FOXP2: variants seen among roughly 807,000 people sequenced by gnomAD.
FOXP2 encodes the protein forkhead box P2, also known as forkhead box protein P2.
A neutral mutation model predicts 115.8 loss-of-function variants in FOXP2; 12 were observed. That is an observed-to-expected ratio of 0.10 (90% CI 0.07 to 0.17). The LOEUF (loss-of-function observed/expected upper bound fraction) is 0.17, where lower values mean the gene tolerates loss of function less well. FOXP2 is among the 10% of genes least tolerant of loss of function. The pLI is 1.00. For synonymous variants in FOXP2, 328 were observed against 297.7 expected, an observed-to-expected ratio of 1.10 and a Z score of -1.05; for missense variants, 629 against 843.5, an observed-to-expected ratio of 0.75 and a Z score of 3.15.
chr7:114,101,409 T>C (rs943073245), intron 1 of FOXP2, among the ~76,000 whole-genome samples: 5 of 152,150 alleles, frequency 3.3e-5, no homozygotes, highest in Non-Finnish European at 7.4e-5. Context: ...TTACTCCAAG[T>C]TGGCCATGAC....
At chr7:114,549,867 G>T (rs144368173) in intron 3 of FOXP2, among the ~76,000 whole-genome samples, 1 of 151,874 alleles carries the variant, frequency 6.6e-6, no homozygotes, top group Non-Finnish European at 1.5e-5. Flanking sequence ...GGCCAATAAC[G>T]ACATCATTTT....
chr7:114,409,002 A>C (rs950893781), intron 2 of FOXP2, among the ~76,000 whole-genome samples: 5 of 152,066 alleles, frequency 3.3e-5, no homozygotes, highest in African/African-American at 1.2e-4. Context: ...ATAATATACT[A>C]AATGTAAAGG....
chr7:114,239,243 T>C (rs1357702594), intron 1 of FOXP2, among the ~76,000 whole-genome samples: 2 of 152,084 alleles, frequency 1.3e-5, no homozygotes, highest in African/African-American at 4.8e-5. Flanking sequence ...CTCTCTTTTT[T>C]TGTCATTCAG....
intron 3 of FOXP2, among the ~76,000 whole-genome samples, chr7:114,619,751 G>C (rs967815828): frequency 1.3e-5 from 2 of 152,090 alleles, no homozygotes; most frequent in Non-Finnish European, 2.9e-5. Context: ...TAAACTGGCT[G>C]TGAAAGTATT....
chr7:114,125,332 G>A (rs1968667), intron 1 of FOXP2, among the ~76,000 whole-genome samples: 148,163 of 152,242 alleles, frequency 0.97, 72,240 homozygotes, highest in East Asian at 1. Context: ...GAAAAAGGAC[G>A]TAGTTTTTCC....
intron 2 of FOXP2, among the ~76,000 whole-genome samples, chr7:114,380,885 G>A (rs2129191671): frequency 6.6e-6 from 1 of 152,326 alleles, no homozygotes; most frequent in South Asian, 2.1e-4. Flanking sequence ...TGGGTTGCAA[G>A]CTTGTCCTTT....
At chr7:114,315,635 CAA>C (rs1414084492) in intron 2 of FOXP2, among the ~76,000 whole-genome samples, 1 of 151,132 alleles carries the variant, frequency 6.6e-6, no homozygotes, top group African/African-American at 2.4e-5. Flanking sequence ...CACACACACA[CAA>C]ACAAACATAA....
intron 1 of FOXP2, among the ~76,000 whole-genome samples, chr7:114,125,663 G>T (rs755332603): frequency 3.9e-5 from 6 of 152,068 alleles, no homozygotes. Context: ...CTTCACCATA[G>T]CTTGGATCCC....
intron 1 of FOXP2, among the ~76,000 whole-genome samples, chr7:114,286,458 G>A (rs1225887052): frequency 6.6e-6 from 1 of 151,912 alleles, no homozygotes; most frequent in Non-Finnish European, 1.5e-5. Context: ...GTTTCCCTAT[G>A]AATATTGGCA....
chr7:114,663,368 A>T lies in FOXP2; in HGVS notation c.1770-82A>T, dbSNP rs1295992244. 6 of 1,035,190 alleles carry T rather than the reference A, an allele frequency of 5.8e-6. No individual in the cohort carries two copies. In the African/African-American group the frequency reaches 9.6e-5, roughly 16 times the overall value. The allele number at this position is 1,035,190 out of a possible 1,614,324, so 64.1% of individuals were successfully genotyped here. A position where few individuals can be genotyped will look rare whatever the true frequency, so the allele number is the denominator to read the frequency against. ...GACTATTAGTGTGAGACAAGCCAGA[A>T]CATACCTTTATAGCTGAGACTATTG... On this transcript the variant is annotated intron_variant, in intron 14 of 16. Transcript: ENST00000350908.
At chr7:114,244,245 T>A (rs1438069462) in intron 1 of FOXP2, among the ~76,000 whole-genome samples, 1 of 152,226 alleles carries the variant, frequency 6.6e-6, no homozygotes, top group Admixed American at 6.5e-5. Flanking sequence ...TAGTATGGTA[T>A]ATTTGTCACA....
intron 2 of FOXP2, among the ~76,000 whole-genome samples, chr7:114,492,283 G>A (rs201282718): frequency 6.6e-6 from 1 of 151,886 alleles, no homozygotes; most frequent in Middle Eastern, 3.4e-3. Flanking sequence ...TTTATTGCGT[G>A]TATTTGATTC....
chr7:114,374,639 TTATTTCC>T (rs1382733156), intron 2 of FOXP2, among the ~76,000 whole-genome samples: 1 of 152,166 alleles, frequency 6.6e-6, no homozygotes, highest in Admixed American at 6.5e-5. Flanking sequence ...TTGGGACTCA[TTATTTCC>T]TACTTTGACT....
intron 1 of FOXP2, among the ~76,000 whole-genome samples, chr7:114,421,280 T>G (rs994485944): frequency 6.6e-6 from 1 of 151,682 alleles, no homozygotes; most frequent in African/African-American, 2.4e-5. Context: ...GAGCAAAATA[T>G]AATATACTTA....
At position 114,642,779 on chromosome 7, in the gene FOXP2, AATATATAT is replaced by A. The variant is rs869055954; in HGVS notation, c.989+183_989+190del. On this transcript the variant is annotated intron_variant, in intron 7 of 16. Transcript: ENST00000350908. ...AGATTATTTATCTTATTTTATATAT[AATATATAT>A]ATATATATATATATATATATATATA... 3.8e-4 allele frequency among the ~76,000 whole-genome samples: 35 copies of A among 91,182 alleles called. 2 individuals carry two copies. Among genetic ancestry groups the A allele is most frequent in the African/African-American group, 1.2e-3 (25 of 20,622 alleles). The allele number at this position is 91,182 out of a possible 152,430, so 59.8% of individuals were successfully genotyped here. A position where few individuals can be genotyped will look rare whatever the true frequency, so the allele number is the denominator to read the frequency against.
intron 3 of FOXP2, among the ~76,000 whole-genome samples, chr7:114,583,340 T>C (rs1801964500): frequency 6.6e-6 from 1 of 151,926 alleles, no homozygotes; most frequent in Non-Finnish European, 1.5e-5. Context: ...ATCACTCCAC[T>C]GCACTCCAGC....
chr7:114,402,147 AT>A (rs980207910), intron 2 of FOXP2, among the ~76,000 whole-genome samples: 6 of 152,146 alleles, frequency 3.9e-5, no homozygotes, highest in Non-Finnish European at 8.8e-5. Context: ...AAAGTTAAAA[AT>A]AAAAAGATAT....
At chr7:114,459,668 T>C (rs1795474052) in intron 2 of FOXP2, among the ~76,000 whole-genome samples, 1 of 152,200 alleles carries the variant, frequency 6.6e-6, no homozygotes, top group South Asian at 2.1e-4. Context: ...CAGGCTGGAA[T>C]GTAGTGGTGT....
rs185688074 is a variant in FOXP2 at position 114,110,192 on chromosome 7, G to T, written c.-247+22354G>T. On this transcript the variant is annotated intron_variant, in intron 1 of 19. Transcript: ENST00000635638. ...AGCCCTAGTCGTAGTTCTAACCTCC[G>T]TAGTCCAGAGGGACCCACCTTATCT... Among the ~76,000 whole-genome samples the T allele has an allele frequency of 3.1e-3, 476 of 152,124 alleles. 2 individuals carry two copies. The highest frequency in any genetic ancestry group is 0.011 in the African/African-American group (448 of 41,538).
Sources: allele counts gnomAD v4.1 joint callset (sites outside exome capture counted in the v4.1 genomes callset), GRCh38; gene constraint gnomAD v4.1.1; transcripts MANE v1.5; gene names NCBI Gene and HGNC (gene_info 2026-07-23, HGNC 2026-07-21).